The following MEG3 variants were observed in gnomAD, a reference collection of about 807,000 sequenced individuals.
The protein encoded by MEG3 is Very putative protein from MEG3 locus.
At chr14:100,846,605 A>G (rs2037924550) in intron 3 of MEG3, 2 of 152,266 alleles carry the variant, frequency 1.3e-5, no homozygotes, top group Non-Finnish European at 2.9e-5. Flanking sequence ...TGTATAATAA[A>G]TGACCAGATG....
Position 100,845,058 on chromosome 14 carries a change from C to A in MEG3, n.3046-400C>A, listed in dbSNP as rs1156496466. Among the ~76,000 whole-genome samples, 1 of 152,204 alleles carries A rather than the reference C, an allele frequency of 6.6e-6. No homozygotes were observed. Among genetic ancestry groups the A allele is most frequent in the Non-Finnish European group, 1.5e-5 (1 of 68,032 alleles). ...CCACACCCCGCTTCCCTGGTCTCCT[C>A]CAGGGCCAGCCATCCTGCTCGCCGA... On this transcript the variant is annotated intron_variant and non_coding_transcript_variant, in intron 2 of 3. Coordinates refer to the MEG3 transcript ENST00000398461. The surrounding 1 kb of genome is among the most constrained non-coding windows in gnomAD (Gnocchi z 5.2).
chr14:100,842,584 C>G (rs577570799), intron 2 of MEG3, among the ~76,000 whole-genome samples: 3 of 152,246 alleles, frequency 2.0e-5, no homozygotes, highest in African/African-American at 4.8e-5. Flanking sequence ...GTAGGAAGTA[C>G]GAGATCTGAG....
intron 3 of MEG3, chr14:100,852,024 C>G: frequency 4.2e-6 from 1 of 239,302 alleles, no homozygotes; most frequent in Non-Finnish European, 8.5e-6. Flanking sequence ...AACAAGCGCC[C>G]GGAGCAGTAG....
At chr14:100,840,620 G>A (rs28416819) in intron 2 of MEG3, among the ~76,000 whole-genome samples, 3 of 152,190 alleles carry the variant, frequency 2.0e-5, no homozygotes, top group African/African-American at 7.2e-5. Flanking sequence ...GAGCTCCAAG[G>A]CTGCACAATG....
intron 3 of MEG3, chr14:100,849,396 T>C (rs1446131116): frequency 2.0e-5 from 3 of 151,820 alleles, no homozygotes; most frequent in African/African-American, 4.8e-5. Context: ...AGAATAAGTA[T>C]TGAAATGAAA....
chr14:100,851,198 T>TA (rs1393439140), intron 3 of MEG3: 1 of 152,272 alleles, frequency 6.6e-6, no homozygotes, highest in Non-Finnish European at 1.5e-5. Context: ...ATGGCCTGGA[T>TA]AGGCAGGAAG....
intron 1 of MEG3, among the ~76,000 whole-genome samples, chr14:100,828,182 G>A (rs560579193): frequency 3.8e-4 from 58 of 152,170 alleles, no homozygotes; most frequent in African/African-American, 1.4e-3. Context: ...GGCGCGGGCC[G>A]GGGCGCCGCA....
exon 1 of MEG3, chr14:100,834,743 T>G (rs1256809333): frequency 1.1e-5 from 5 of 456,516 alleles, no homozygotes; most frequent in Admixed American, 7.0e-5. Context: ...GGGATGTTGG[T>G]TTCGCCAGGT....
downstream of MEG3, chr14:100,831,136 G>C (rs572571144): frequency 1.3e-5 from 2 of 153,068 alleles, no homozygotes; most frequent in South Asian, 2.1e-4. Context: ...TTTTGCAACC[G>C]TCCATTCATT....
intron 2 of MEG3, among the ~76,000 whole-genome samples, chr14:100,839,812 T>G (rs913566149): frequency 1.3e-5 from 2 of 152,118 alleles, no homozygotes; most frequent in African/African-American, 4.8e-5. Flanking sequence ...CCAGCAGACA[T>G]GGAGAGACCC....
chr14:100,840,866 G>C (rs1389913174), intron 2 of MEG3, among the ~76,000 whole-genome samples: 1 of 152,242 alleles, frequency 6.6e-6, no homozygotes, highest in African/African-American at 2.4e-5. Context: ...GGGGCCAAAG[G>C]CTGACCGCAT....
upstream of MEG3, chr14:100,852,476 G>C (rs768429501): frequency 1.9e-6 from 1 of 522,594 alleles, no homozygotes; most frequent in East Asian, 5.5e-5. Context: ...GGGGCCTCAG[G>C]GGTCTGCTCT....
rs1010271477 is a variant in MEG3, at chr14:100,835,089, A to G, written n.2121A>G. On this transcript the variant is annotated non_coding_transcript_exon_variant, in exon 1 of 4. Transcript: ENST00000398461. ...GGCTGGAGCAGTGGACTGTGGCTCC[A>G]TAGAGGTAGGCCGGAGGGTGTGAGG... 28 of 340,368 alleles carry G rather than the reference A, an allele frequency of 8.2e-5. No individual in the cohort carries two copies. In the East Asian group the frequency reaches 8.5e-4, roughly 10 times the overall value. 21.1% of individuals were successfully genotyped at this position (340,368 alleles called of 1,614,324 possible).
At chr14:100,838,169 G>T (rs1228184853) in intron 2 of MEG3, among the ~76,000 whole-genome samples, 1 of 152,086 alleles carries the variant, frequency 6.6e-6, no homozygotes, top group Admixed American at 6.5e-5. Context: ...GGTTTCTCAC[G>T]GACATCTCAG....
chr14:100,842,263 T>G (rs1208731531), intron 2 of MEG3, among the ~76,000 whole-genome samples: 1 of 152,138 alleles, frequency 6.6e-6, no homozygotes, highest in Non-Finnish European at 1.5e-5. Flanking sequence ...CTCCATCCAT[T>G]AACGGTAAAC....
At chr14:100,835,069 G>A (rs777591927) in exon 1 of MEG3, 241 of 349,020 alleles carry the variant, frequency 6.9e-4, no homozygotes, top group Non-Finnish European at 1.1e-3. Context: ...CCAGGGGCTG[G>A]AGCAGTGGAC....
At chr14:100,830,214 T>C (rs540500184), downstream of MEG3, 1 of 152,250 alleles carries the variant, frequency 6.6e-6, no homozygotes, top group Non-Finnish European at 1.5e-5. Flanking sequence ...CCTGGGGTGG[T>C]CTTGGGGGTC....
chr14:100,836,083 C>T (rs965359035), intron 1 of MEG3: 6 of 388,792 alleles, frequency 1.5e-5, no homozygotes, highest in East Asian at 7.3e-5. Flanking sequence ...CAGGTGAGGC[C>T]GTGCCCCGAG....
chr14:100,841,732 T>A (rs1012280976), intron 2 of MEG3, among the ~76,000 whole-genome samples: 1 of 152,178 alleles, frequency 6.6e-6, no homozygotes, highest in Admixed American at 6.5e-5. Context: ...GATGCAGGGA[T>A]CGTGTTTTAT....
Sources: allele counts gnomAD v4.1 joint callset (sites outside exome capture counted in the v4.1 genomes callset), GRCh38; gene constraint gnomAD v4.1.1; non-coding constraint Gnocchi (gnomAD v3.1); transcripts MANE v1.5; gene names NCBI Gene and HGNC (gene_info 2026-07-23, HGNC 2026-07-21).